GAK: variants seen among roughly 807,000 people sequenced by gnomAD.
The protein encoded by GAK is cyclin-G-associated kinase.
A neutral mutation model predicts 143.9 loss-of-function variants in GAK; 79 were observed. That is an observed-to-expected ratio of 0.55 (90% CI 0.46 to 0.66). The LOEUF (loss-of-function observed/expected upper bound fraction) is 0.66. GAK is among the 30% of genes least tolerant of loss of function. The probability of loss-of-function intolerance (pLI) is 0.00; values close to 1 mark genes in which losing one functional copy is unlikely to be tolerated. For missense variants in GAK, 1,693 were observed against 1,779.7 expected (o/e 0.95, Z 0.88); for synonymous variants, 881 against 765.5 (o/e 1.15, Z -2.49).
intron 23 of GAK, among the ~76,000 whole-genome samples, chr4:861,840 A>G (rs1462431583): frequency 6.6e-6 from 1 of 152,238 alleles, no homozygotes; most frequent in African/African-American, 2.4e-5. Context: ...AACTAGCCAC[A>G]ACATCCTCCT....
At chr4:891,783 C>T (rs1032637993) in intron 9 of GAK, among the ~76,000 whole-genome samples, 4 of 152,216 alleles carry the variant, frequency 2.6e-5, no homozygotes, top group Non-Finnish European at 5.9e-5. Context: ...AGCCACCAAG[C>T]GAGGGGGACA....
intron 18 of GAK, among the ~76,000 whole-genome samples, chr4:873,637 G>A (rs945652945): frequency 6.6e-6 from 1 of 151,990 alleles, no homozygotes; most frequent in Admixed American, 6.6e-5. Context: ...CACTGCCCTC[G>A]CCCCTGCAAC....
intron 5 of GAK, 129 bp downstream of exon 5, chr4:904,508 C>G: frequency 1.3e-6 from 1 of 782,290 alleles, no homozygotes; most frequent in Non-Finnish European, 1.9e-6. Context: ...GGCTCCTAAC[C>G]GAGCGGGACC....
chr4:891,069 T>C (rs1717550101), intron 9 of GAK, among the ~76,000 whole-genome samples: 1 of 152,016 alleles, frequency 6.6e-6, no homozygotes, highest in South Asian at 2.1e-4. Flanking sequence ...GCAATTCTCC[T>C]GCCTCAGCCT....
At chr4:883,924 G>A in intron 12 of GAK, 113 bp downstream of exon 12, 3 of 1,061,222 alleles carry the variant, frequency 2.8e-6, no homozygotes, top group Non-Finnish European at 4.2e-6. Flanking sequence ...GTGAGTCTGT[G>A]GCCACAGAGA....
rs747769982 is a variant in GAK at position 870,880 on chromosome 4, A to T, written c.2079T>A (p.Ile693=). The change falls in exon 19 of 28, where the codon ATT becomes ATA. Residue 693 remains isoleucine (I), a synonymous_variant. Transcript: ENST00000314167. ...FAKYDLDACD[I]QEKYPDLFQV... is the part of the protein sequence containing the mutation. ...GAAATAAATCCGGGTATTTTTCTTG[A>T]ATGTCACACGCGTCCAGGTCATACC... The T allele has an allele frequency of 2.6e-5, 42 of 1,613,534 alleles. No homozygotes were observed. Among genetic ancestry groups the T allele is most frequent in the Non-Finnish European group, 1.6e-5 (19 of 1,179,828 alleles).
intron 18 of GAK, among the ~76,000 whole-genome samples, chr4:871,639 T>C (rs955702614): frequency 7.6e-6 from 1 of 132,394 alleles, no homozygotes; most frequent in African/African-American, 3.0e-5. Context: ...GTGTCGGCCG[T>C]GCGGGTGGGG....
At chr4:905,483 G>A (rs553518665) in intron 4 of GAK, among the ~76,000 whole-genome samples, 18 of 138,810 alleles carry the variant, frequency 1.3e-4, no homozygotes, top group South Asian at 9.3e-4. Context: ...GCCATGCTAC[G>A]GACTCCGCCA....
At chr4:926,114 C>T (rs1419264494) in intron 1 of GAK, among the ~76,000 whole-genome samples, 1 of 151,692 alleles carries the variant, frequency 6.6e-6, no homozygotes, top group Non-Finnish European at 1.5e-5. Flanking sequence ...AGGGGGTCCT[C>T]CCTGGACAGT....
chr4:918,410 G>C (rs1034831080), intron 1 of GAK, among the ~76,000 whole-genome samples: 1 of 152,186 alleles, frequency 6.6e-6, no homozygotes, highest in African/African-American at 2.4e-5. Context: ...TTAATAAAAG[G>C]CATAAAGATC....
Position 866,283 on chromosome 4 carries a change from C to T in GAK, c.3043+81G>A, listed in dbSNP as rs1196133910. ...TCCAGCCCCACCACTGCCTGAGACC[C>T]ACAGCTCTGTTTCCCACCAGAGGCT... On this transcript the variant is annotated intron_variant, in intron 22 of 27. Transcript: ENST00000314167. The T allele has an allele frequency of 4.2e-6, 6 of 1,431,504 alleles. No individual in the cohort carries two copies. In the African/African-American group the frequency reaches 7.0e-5, roughly 17 times the overall value. The allele number at this position is 1,431,504 out of a possible 1,614,324, so 88.7% of individuals were successfully genotyped here.
intron 11 of GAK, chr4:887,400 G>A (rs1716655057): frequency 6.9e-6 from 1 of 145,154 alleles, no homozygotes; most frequent in Admixed American, 6.7e-5. Context: ...TCGCGCGCAT[G>A]TGCACACATG....
chr4:892,731 G>C (rs56080039), intron 9 of GAK, among the ~76,000 whole-genome samples: 1 of 152,116 alleles, frequency 6.6e-6, no homozygotes, highest in Non-Finnish European at 1.5e-5. Context: ...ACCCCAGGAC[G>C]CCCAGAGCTG....
At chr4:862,293 G>A (rs1035008445) in intron 23 of GAK, among the ~76,000 whole-genome samples, 5 of 142,120 alleles carry the variant, frequency 3.5e-5, no homozygotes, top group Non-Finnish European at 4.6e-5. Flanking sequence ...GCTAAGATCC[G>A]GCTGAGACCA....
At chr4:870,931 G>C in intron 18 of GAK, 27 bp from the exon 19 acceptor site, 1 of 1,583,706 alleles carries the variant, frequency 6.3e-7, no homozygotes, top group Non-Finnish European at 8.6e-7. Context: ...ACACCACTTA[G>C]GAAGGCCACC....
In GAK at chr4:866,952, G is replaced by C. The variant is rs751636732; in HGVS notation, c.2872+4C>G. The stretch of plus-strand genomic sequence containing the variant: ...CCACTCGCCTTCAGAACAGAAACAC[G>C]TACCAGCGGCAGGGGGCCCTCCTCT... On this transcript the variant is annotated splice_donor_region_variant and intron_variant, in intron 21 of 27. Transcript: ENST00000314167. The C allele has an allele frequency of 1.1e-5, 17 of 1,480,244 alleles. No homozygotes were observed. The highest frequency in any genetic ancestry group is 1.4e-5 in the African/African-American group (1 of 70,634). 91.7% of individuals were successfully genotyped at this position (1,480,244 alleles called of 1,614,324 possible). A position where few individuals can be genotyped will look rare whatever the true frequency, so the allele number is the denominator to read the frequency against.
At chr4:871,646 G>T (rs1033647914) in intron 18 of GAK, among the ~76,000 whole-genome samples, 8 of 151,664 alleles carry the variant, frequency 5.3e-5, no homozygotes, top group Non-Finnish European at 1.2e-4. Context: ...CCGTGCGGGT[G>T]GGGAGCAGGG....
chr4:920,220 A>G (rs1723688959), intron 1 of GAK, among the ~76,000 whole-genome samples: 1 of 151,478 alleles, frequency 6.6e-6, no homozygotes, highest in Non-Finnish European at 1.5e-5. Context: ...AGTCAGGAGA[A>G]TGGCATGAAC....
At position 867,226 on chromosome 4, in the gene GAK, G is replaced by C. The variant is rs201584204; in HGVS notation, c.2602C>G (p.Pro868Ala). Reference protein sequence around the residue: ...QQDLVFEVETPAVLPEPVPQE... With the variant: ...QQDLVFEVETAAVLPEPVPQE... ...GGCACAGGCTCTGGCAGCACAGCCG[G>C]TGTCTCCACCTCAAAAACCAAGTCC... Residue 868 changes from proline (P) to alanine (A), a missense_variant, in exon 21 of 28, where the codon CCG becomes GCG. Physicochemically the swap from Pro to Ala is conservative, Grantham distance 27. Around this residue, in one of 2 missense-constraint regions of GAK, gnomAD observed 822 missense variants for 788.7 expected, o/e 1.04. Coordinates refer to ENST00000314167, the MANE Select transcript of GAK (RefSeq NM_005255.4). The C allele has an allele frequency of 5.8e-5, 93 of 1,612,894 alleles. No individual in the cohort carries two copies. Among genetic ancestry groups the C allele is most frequent in the Middle Eastern group, 3.3e-4 (2 of 6,054 alleles).
Sources: allele counts gnomAD v4.1 joint callset (sites outside exome capture counted in the v4.1 genomes callset), GRCh38; gene constraint gnomAD v4.1.1; regional missense constraint gnomAD v4.1.1; transcripts MANE v1.5; gene names NCBI Gene and HGNC (gene_info 2026-07-23, HGNC 2026-07-21).